RAD51B: variants seen among roughly 807,000 people sequenced by gnomAD.
RAD51B encodes the protein RAD51 paralog B, also known as DNA repair protein RAD51 homolog 2.
Under a neutral mutation model 42.2 loss-of-function variants are expected in RAD51B, and 38 were observed. The observed-to-expected ratio is 0.90, with a 90% CI of 0.70 to 1.18. The LOEUF (loss-of-function observed/expected upper bound fraction) is 1.18, where lower values mean the gene tolerates loss of function less well. Ranked by LOEUF, RAD51B falls within the 50% of genes most tolerant of loss-of-function variation. The pLI, the probability that RAD51B is intolerant of heterozygous loss-of-function variation, is 0.00. For synonymous variants in RAD51B, 154 were observed against 145.2 expected, an observed-to-expected ratio of 1.06 and a Z score of -0.43; for missense variants, 373 against 400.7, an observed-to-expected ratio of 0.93 and a Z score of 0.59.
chr14:68,563,567 C>G, intron 10 of RAD51B: 2 of 985,440 alleles, frequency 2.0e-6, no homozygotes, highest in Non-Finnish European at 1.2e-6. Flanking sequence ...CCAGCCATTT[C>G]TTGTGTGCCT....
chr14:68,153,483 C>T (rs2078433972), intron 7 of RAD51B, among the ~76,000 whole-genome samples: 2 of 152,130 alleles, frequency 1.3e-5, no homozygotes, highest in Non-Finnish European at 2.9e-5. Context: ...CTGTTCTCCT[C>T]AACCTCTCTA....
intron 7 of RAD51B, among the ~76,000 whole-genome samples, chr14:68,246,244 T>G (rs997498727): frequency 2.6e-5 from 4 of 151,100 alleles, no homozygotes; most frequent in Non-Finnish European, 5.9e-5. Context: ...GGAGAAAGAT[T>G]GATGAGAACC....
chr14:68,337,737 C>G (rs1330443668), intron 8 of RAD51B, among the ~76,000 whole-genome samples: 1 of 152,158 alleles, frequency 6.6e-6, no homozygotes, highest in Non-Finnish European at 1.5e-5. Flanking sequence ...GAATTAAGAA[C>G]CACTTGCTTA....
At chr14:68,384,584 G>A (rs143064237) in intron 8 of RAD51B, among the ~76,000 whole-genome samples, 51 of 152,280 alleles carry the variant, frequency 3.3e-4, no homozygotes, top group South Asian at 1.5e-3. Flanking sequence ...TGGTAGCAGC[G>A]CCTCTCTCCA....
chr14:68,656,606 G>A (rs1026204857), intron 11 of RAD51B, among the ~76,000 whole-genome samples: 4 of 152,112 alleles, frequency 2.6e-5, no homozygotes, highest in African/African-American at 9.7e-5. Context: ...TTTCTCCTGC[G>A]CTCTGGCCCA....
At chr14:68,366,394 AAAC>A (rs1228572091) in intron 8 of RAD51B, among the ~76,000 whole-genome samples, 1 of 152,238 alleles carries the variant, frequency 6.6e-6, no homozygotes, top group Non-Finnish European at 1.5e-5. Context: ...ATTGTAAAGG[AAAC>A]AACAACAACA....
chr14:68,190,777 C>T (rs1037398868), intron 7 of RAD51B, among the ~76,000 whole-genome samples: 3 of 152,028 alleles, frequency 2.0e-5, no homozygotes, highest in Non-Finnish European at 4.4e-5. Flanking sequence ...AACAAGTGTC[C>T]ATTTAGGATG....
intron 10 of RAD51B, among the ~76,000 whole-genome samples, chr14:68,638,182 C>T (rs989569962): frequency 3.3e-4 from 51 of 152,310 alleles, no homozygotes; most frequent in African/African-American, 1.2e-3. Context: ...GACATCCTAA[C>T]TCACACATTC....
intron 9 of RAD51B, among the ~76,000 whole-genome samples, chr14:68,449,637 C>T (rs1416269665): frequency 5.3e-5 from 8 of 152,200 alleles, no homozygotes; most frequent in Admixed American, 5.2e-4. Flanking sequence ...AGTCAGAGAT[C>T]CTGCAGCTGT....
At chr14:68,309,228 A>G (rs1241916245) in intron 8 of RAD51B, among the ~76,000 whole-genome samples, 1 of 152,212 alleles carries the variant, frequency 6.6e-6, no homozygotes, top group African/African-American at 2.4e-5. Flanking sequence ...TTCTCCACCA[A>G]GAAAGGAAGC....
intron 10 of RAD51B, chr14:68,545,684 T>G (rs1250805596): frequency 2.0e-5 from 9 of 452,848 alleles, no homozygotes; most frequent in Non-Finnish European, 4.0e-5. Context: ...TGTCCACACA[T>G]TGATTTCCCT....
chr14:67,831,273 G>T (rs1300102552), intron 3 of RAD51B, among the ~76,000 whole-genome samples: 1 of 152,180 alleles, frequency 6.6e-6, no homozygotes, highest in African/African-American at 2.4e-5. Flanking sequence ...AGGCATGCAC[G>T]TGGGAGTCAT....
intron 8 of RAD51B, among the ~76,000 whole-genome samples, chr14:68,336,732 T>C (rs904121953): frequency 1.3e-5 from 2 of 152,238 alleles, no homozygotes; most frequent in Non-Finnish European, 2.9e-5. Context: ...TTTCTTTCTT[T>C]GTATCAGTTT....
intron 7 of RAD51B, among the ~76,000 whole-genome samples, chr14:68,118,543 T>C (rs149511826): frequency 6.6e-6 from 1 of 152,334 alleles, no homozygotes; most frequent in African/African-American, 2.4e-5. Flanking sequence ...ATTTATTGGA[T>C]TTTTTGTAAC....
intron 7 of RAD51B, among the ~76,000 whole-genome samples, chr14:68,045,484 A>G (rs570802134): frequency 4.3e-4 from 66 of 152,284 alleles, no homozygotes; most frequent in African/African-American, 1.5e-3. Context: ...ATCTTAATAT[A>G]TAATCCAGGA....
At chr14:68,337,997 G>T (rs1046333459) in intron 8 of RAD51B, among the ~76,000 whole-genome samples, 1 of 151,746 alleles carries the variant, frequency 6.6e-6, no homozygotes, top group Non-Finnish European at 1.5e-5. Flanking sequence ...TCACTATATT[G>T]CCCAGGCTGG....
intron 7 of RAD51B, among the ~76,000 whole-genome samples, chr14:68,207,179 C>T (rs1348184400): frequency 6.6e-6 from 1 of 152,124 alleles, no homozygotes; most frequent in Non-Finnish European, 1.5e-5. Flanking sequence ...TGGCTCTTGG[C>T]TCTTTCAGTG....
At chr14:68,397,924 G>A (rs138583452) in intron 8 of RAD51B, among the ~76,000 whole-genome samples, 8 of 152,260 alleles carry the variant, frequency 5.3e-5, no homozygotes, top group African/African-American at 1.9e-4. Context: ...TCAGAGCCTC[G>A]AGGGCAGCAA....
At chr14:67,886,918 A>G in intron 6 of RAD51B, 103 bp from the exon 7 acceptor site, 1 of 713,894 alleles carries the variant, frequency 1.4e-6, no homozygotes, top group Non-Finnish European at 2.2e-6. Context: ...GTAACTTAGG[A>G]AAGAATAGTT....
Sources: gnomAD v4.1 joint callset for allele counts (sites outside exome capture counted in the v4.1 genomes callset) on GRCh38, gnomAD v4.1.1 for gene constraint, MANE v1.5 for transcripts, NCBI Gene and HGNC (gene_info 2026-07-23, HGNC 2026-07-21) for gene names.